Variants in KIAA1217 observed in about 807,000 individuals in gnomAD.
The protein encoded by KIAA1217 is KIAA1217, also known as sickle tail protein homolog.
Under a neutral mutation model 163.9 loss-of-function variants are expected in KIAA1217, and 88 were observed. The observed-to-expected ratio is 0.54, with a 90% CI of 0.45 to 0.64. KIAA1217 has a LOEUF of 0.64. Among genes scored for constraint, KIAA1217 ranks in the 30% least tolerant of loss-of-function variants. The probability of loss-of-function intolerance (pLI) is 0.00; values close to 1 mark genes in which losing one functional copy is unlikely to be tolerated. For synonymous variants in KIAA1217, 903 were observed against 923.1 expected, an observed-to-expected ratio of 0.98 and a Z score of 0.39; for missense variants, 2,372 against 2,475.0, an observed-to-expected ratio of 0.96 and a Z score of 0.88.
chr10:23,876,709 C>A (rs766017916), intron 1 of KIAA1217, among the ~76,000 whole-genome samples: 5 of 151,908 alleles, frequency 3.3e-5, no homozygotes, highest in Admixed American at 6.6e-5. Flanking sequence ...GAAAAGCCAT[C>A]TTGCAGCAGT....
At chr10:24,347,725 C>G (rs1248614502) in intron 2 of KIAA1217, among the ~76,000 whole-genome samples, 1 of 152,110 alleles carries the variant, frequency 6.6e-6, no homozygotes, top group African/African-American at 2.4e-5. Context: ...TTAAAAGATA[C>G]AACAAATTCC....
chr10:24,153,549 G>A (rs2064724767), intron 2 of KIAA1217, among the ~76,000 whole-genome samples: 1 of 152,182 alleles, frequency 6.6e-6, no homozygotes, highest in Non-Finnish European at 1.5e-5. Flanking sequence ...GAGAGCCGGA[G>A]ACCGAGCTAC....
At chr10:24,485,890 T>C (rs2065330190) in intron 6 of KIAA1217, among the ~76,000 whole-genome samples, 1 of 152,202 alleles carries the variant, frequency 6.6e-6, no homozygotes, top group Non-Finnish European at 1.5e-5. Flanking sequence ...GGATGTCTGT[T>C]AATGAACTTG....
chr10:23,960,990 G>T (rs1844795705), intron 1 of KIAA1217, among the ~76,000 whole-genome samples: 1 of 152,010 alleles, frequency 6.6e-6, no homozygotes, highest in African/African-American at 2.4e-5. Flanking sequence ...ATATTTTTAT[G>T]GATTATAAAT....
chr10:24,400,133 C>T (rs1030868892), intron 3 of KIAA1217, among the ~76,000 whole-genome samples: 1 of 152,042 alleles, frequency 6.6e-6, no homozygotes, highest in African/African-American at 2.4e-5. Context: ...TAATCACATC[C>T]CAGGAAAGCA....
At chr10:23,728,290 A>C (rs914084657) in intron 1 of KIAA1217, among the ~76,000 whole-genome samples, 1 of 152,172 alleles carries the variant, frequency 6.6e-6, no homozygotes, top group African/African-American at 2.4e-5. Context: ...AATAGCGTGA[A>C]AGTGTTCCTA....
chr10:24,394,426 A>C (rs1268225746), intron 3 of KIAA1217, among the ~76,000 whole-genome samples: 2 of 150,806 alleles, frequency 1.3e-5, no homozygotes, highest in Non-Finnish European at 1.5e-5. Context: ...TTCTGCCCCA[A>C]GTTTTGCCCA....
At chr10:24,070,588 A>C (rs2061148931) in intron 2 of KIAA1217, among the ~76,000 whole-genome samples, 1 of 152,222 alleles carries the variant, frequency 6.6e-6, no homozygotes, top group Non-Finnish European at 1.5e-5. Context: ...CATTTGAGAG[A>C]AGTGTGTTTT....
chr10:24,133,565 G>A (rs10764448), intron 2 of KIAA1217, among the ~76,000 whole-genome samples: 16 of 147,852 alleles, frequency 1.1e-4, no homozygotes, highest in Admixed American at 1.0e-3. Flanking sequence ...GAGCGAGACT[G>A]TGTCTCAAAA....
intron 1 of KIAA1217, among the ~76,000 whole-genome samples, chr10:23,967,899 A>ATGTGTGTGTGTGTGTG (rs58562978): frequency 2.8e-5 from 4 of 143,842 alleles, no homozygotes; most frequent in African/African-American, 1.0e-4. Flanking sequence ...AATATATTAA[A>ATGTGTGTGTGTGTGTG]TGTGTGTGTG....
intron 10 of KIAA1217, among the ~76,000 whole-genome samples, chr10:24,517,039 C>T (rs1035865286): frequency 1.1e-4 from 17 of 151,806 alleles, no homozygotes; most frequent in African/African-American, 3.6e-4. Flanking sequence ...AAACCCTAGC[C>T]GATCATGGTG....
chr10:24,051,572 C>T (rs1362231965), intron 2 of KIAA1217, among the ~76,000 whole-genome samples: 2 of 152,082 alleles, frequency 1.3e-5, no homozygotes, highest in Non-Finnish European at 2.9e-5. Context: ...ACATTCTCAC[C>T]AGCAGTGTCA....
intron 2 of KIAA1217, among the ~76,000 whole-genome samples, chr10:24,018,928 G>C (rs556077812): frequency 1.1e-3 from 167 of 152,150 alleles, no homozygotes; most frequent in African/African-American, 3.9e-3. Flanking sequence ...AGGGCATTAT[G>C]GCAAGTGAAA....
intron 2 of KIAA1217, among the ~76,000 whole-genome samples, chr10:24,062,185 G>T (rs868300495): frequency 2.0e-5 from 3 of 151,116 alleles, no homozygotes; most frequent in African/African-American, 7.3e-5. Flanking sequence ...ATGTGCACAA[G>T]GTGCAGGTTT....
intron 2 of KIAA1217, among the ~76,000 whole-genome samples, chr10:24,154,444 A>T (rs571484148): frequency 3.0e-4 from 46 of 151,924 alleles, no homozygotes; most frequent in Non-Finnish European, 5.6e-4. Flanking sequence ...ATAAAAATAA[A>T]AATAATAATG....
At chr10:24,032,678 C>G (rs1848235830) in intron 2 of KIAA1217, among the ~76,000 whole-genome samples, 1 of 152,112 alleles carries the variant, frequency 6.6e-6, no homozygotes. Flanking sequence ...TATGTAAAGC[C>G]TCAGGGATAA....
chr10:24,013,586 T>A (rs574073980), intron 2 of KIAA1217, among the ~76,000 whole-genome samples: 1 of 152,262 alleles, frequency 6.6e-6, no homozygotes, highest in South Asian at 2.1e-4. Flanking sequence ...GAAAGCTCTG[T>A]GCCATCTGGT....
chr10:24,123,793 A>G (rs1471692664), intron 2 of KIAA1217, among the ~76,000 whole-genome samples: 1 of 152,192 alleles, frequency 6.6e-6, no homozygotes, highest in Admixed American at 6.5e-5. Flanking sequence ...GTTTCCCCAT[A>G]TCTTTTCCAA....
intron 2 of KIAA1217, among the ~76,000 whole-genome samples, chr10:24,262,251 T>C (rs2075793834): frequency 6.6e-6 from 1 of 152,164 alleles, no homozygotes. Context: ...CCTAGGAGTC[T>C]GAGCAATCAA....
Sources: gnomAD v4.1 joint callset for allele counts (sites outside exome capture counted in the v4.1 genomes callset) on GRCh38, gnomAD v4.1.1 for gene constraint, MANE v1.5 for transcripts, NCBI Gene and HGNC (gene_info 2026-07-23, HGNC 2026-07-21) for gene names.